The following CRABP1 variants were observed in gnomAD, a reference collection of about 807,000 sequenced individuals.
The protein encoded by CRABP1 is cellular retinoic acid-binding protein 1.
CRABP1 carries 9 observed loss-of-function variants against 16.4 expected under a neutral mutation model. The ratio of observed to expected loss-of-function variants is 0.55; its 90% CI spans 0.33 to 0.96. CRABP1 has a LOEUF of 0.96. Ranked by LOEUF, CRABP1 falls within the 40% of genes least tolerant of loss-of-function variation. CRABP1 has a pLI of 0.03. For synonymous variants in CRABP1, 72 were observed against 70.4 expected (o/e 1.02, Z -0.11); for missense variants, 157 against 186.0 (o/e 0.84, Z 0.91).
At position 78,343,571 on chromosome 15, in the gene CRABP1, A is replaced by G; in HGVS notation, c.322A>G (p.Thr108Ala). The change falls in exon 3 of 4, where the codon ACC (threonine) becomes GCC (alanine). Residue 108 changes from threonine (T) to alanine (A), a missense_variant. Thr to Ala is a moderately conservative substitution (Grantham distance 58). Transcript: ENST00000299529. ...TCTTCTTGAAGGGGACGGCCCCAAA[A>G]CCTACTGGACCCGTGAGCTGGCCAA... is the stretch of plus-strand genomic sequence containing the variant. ...QTLLEGDGPK[T>A]YWTRELANDE... 1 of 1,614,100 alleles carries G rather than the reference A, an allele frequency of 6.2e-7. No individual in the cohort carries two copies. Among genetic ancestry groups the G allele is most frequent in the Non-Finnish European group, 8.5e-7 (1 of 1,180,010 alleles).
chr15:78,342,338 T>G (rs1055740464), intron 2 of CRABP1, among the ~76,000 whole-genome samples: 1 of 151,782 alleles, frequency 6.6e-6, no homozygotes, highest in East Asian at 1.9e-4. Context: ...TCTGGGGACA[T>G]CCAATGTTGG....
intron 3 of CRABP1, among the ~76,000 whole-genome samples, chr15:78,346,987 G>GTTTTTTTTTTTTTTTTTTTTTTTTTTTT (rs202225866): frequency 7.0e-6 from 1 of 143,152 alleles, no homozygotes; most frequent in Non-Finnish European, 1.5e-5. Flanking sequence ...CTTGGTTTTT[G>GTTTTTTTTTTTTTTTTTTTTTTTTTTTT]TTTTTGTTTT....
chr15:78,343,573 C>T lies in CRABP1; in HGVS notation c.324C>T (p.Thr108=). The T allele has an allele frequency of 6.2e-7, 1 of 1,614,188 alleles. No homozygotes were observed. Among genetic ancestry groups the T allele is most frequent in the Non-Finnish European group, 8.5e-7 (1 of 1,180,030 alleles). ...QTLLEGDGPK[T]YWTRELANDE... ...TTCTTGAAGGGGACGGCCCCAAAAC[C>T]TACTGGACCCGTGAGCTGGCCAACG... The change falls in exon 3 of 4, where the codon ACC becomes ACT. Residue 108 remains threonine (T), a synonymous_variant. Transcript: ENST00000299529.
At chr15:78,344,563 C>A (rs2050254694) in intron 3 of CRABP1, among the ~76,000 whole-genome samples, 1 of 152,110 alleles carries the variant, frequency 6.6e-6, no homozygotes, top group Non-Finnish European at 1.5e-5. Flanking sequence ...TAAGCACACA[C>A]TTCCTCCCCT....
Position 78,343,452 on chromosome 15 carries a change from G to A in CRABP1, c.250-47G>A, listed in dbSNP as rs144235294. On this transcript the variant is annotated intron_variant, in intron 2 of 3. Coordinates refer to ENST00000299529, the MANE Select transcript of CRABP1 (RefSeq NM_004378.3). ...AATGCTCATTGTTGTCCCTGCTCCCGCTGCTGAGACTCTAATTAATGTCAC... is the reference window on the plus strand; with the variant it reads ...AATGCTCATTGTTGTCCCTGCTCCCACTGCTGAGACTCTAATTAATGTCAC... 6.4e-3 allele frequency: 9,301 copies of A among 1,444,490 alleles called. 55 individuals carry two copies. Among genetic ancestry groups the A allele is most frequent in the Non-Finnish European group, 7.4e-3 (7,574 of 1,028,108 alleles). The allele number at this position is 1,444,490 out of a possible 1,614,324, so 89.5% of individuals were successfully genotyped here. A position where few individuals can be genotyped will look rare whatever the true frequency, so the allele number is the denominator to read the frequency against.
intron 3 of CRABP1, among the ~76,000 whole-genome samples, 168 bp downstream of exon 3, chr15:78,343,780 C>A (rs915757764): frequency 1.3e-5 from 2 of 152,188 alleles, no homozygotes; most frequent in African/African-American, 4.8e-5. Context: ...CAGAGGAAAT[C>A]ATTGTTAAAT....
At position 78,348,011 on chromosome 15, in the gene CRABP1, A is replaced by G. The variant is rs754121651; in HGVS notation, c.*34A>G. 1.9e-6 allele frequency: 3 copies of G among 1,606,790 alleles called. No individual in the cohort carries two copies. Among genetic ancestry groups the G allele is most frequent in the Non-Finnish European group, 2.6e-6 (3 of 1,173,782 alleles). ...GGCTTGCTCCTACTTTCAGGAAGGG[A>G]TGCAGGCTCCCCTGAGGAATATGTC... On this transcript the variant is annotated 3_prime_UTR_variant, in exon 4 of 4. Coordinates refer to ENST00000299529, the MANE Select transcript of CRABP1 (RefSeq NM_004378.3).
At chr15:78,342,222 G>A (rs1428543754) in intron 2 of CRABP1, among the ~76,000 whole-genome samples, 1 of 152,038 alleles carries the variant, frequency 6.6e-6, no homozygotes. Flanking sequence ...GCTTGGAGGG[G>A]GTGGGATCTG....
Position 78,348,144 on chromosome 15 carries a change from T to C in CRABP1, c.*167T>C. On this transcript the variant is annotated 3_prime_UTR_variant, in exon 4 of 4. Coordinates refer to ENST00000299529, the MANE Select transcript of CRABP1 (RefSeq NM_004378.3). ...TCCCCCACCCCCACCCCCCAGGCCT[T>C]GGTGCCTCTTGTATCCCTAGTGCTC... The C allele has an allele frequency of 1.6e-6, 1 of 610,504 alleles. No individual in the cohort carries two copies. The allele number at this position is 610,504 out of a possible 1,614,324, so 37.8% of individuals were successfully genotyped here. A position where few individuals can be genotyped will look rare whatever the true frequency, so the allele number is the denominator to read the frequency against.
At chr15:78,342,918 C>T (rs149266872) in intron 2 of CRABP1, among the ~76,000 whole-genome samples, 1 of 152,116 alleles carries the variant, frequency 6.6e-6, no homozygotes, top group South Asian at 2.1e-4. Context: ...GTCAGGAGTT[C>T]GAGACCAGCC....
chr15:78,343,223 A>T (rs2050244777), intron 2 of CRABP1, among the ~76,000 whole-genome samples: 1 of 152,202 alleles, frequency 6.6e-6, no homozygotes, highest in Admixed American at 6.5e-5. Flanking sequence ...AGAGATGTAA[A>T]GCATGCCTAA....
Position 78,341,314 on chromosome 15 carries a change from C to A in CRABP1, c.249+93C>A. On this transcript the variant is annotated intron_variant, in intron 2 of 3. Transcript: ENST00000299529. This position sits in a 1 kb window ranked among gnomAD's most constrained non-coding sequence, Gnocchi z 5.3. ...AGGAACCTGTGTCTCCCTTTGCAGC[C>A]TGTGGCGCGCCTTCCTTGCAGGGTG... 1 of 1,427,040 alleles carries A rather than the reference C, an allele frequency of 7.0e-7. No individual in the cohort carries two copies. The highest frequency in any genetic ancestry group is 9.7e-7 in the Non-Finnish European group (1 of 1,033,098). The allele number at this position is 1,427,040 out of a possible 1,614,324, so 88.4% of individuals were successfully genotyped here.
rs145802455 is a variant in CRABP1, at chr15:78,344,903, T to C, written c.363+1291T>C. ...TGCACTCTAGCCTGGGCAACAGAGC[T>C]GAGACCCTGTCTCAAAATTAAAAAC... On this transcript the variant is annotated intron_variant, in intron 3 of 3. Transcript: ENST00000299529. Among the ~76,000 whole-genome samples the C allele has an allele frequency of 9.3e-3, 1,416 of 151,518 alleles. 20 individuals are homozygous for C. Among genetic ancestry groups the C allele is most frequent in the African/African-American group, 0.023 (933 of 41,162 alleles).
intron 3 of CRABP1, 118 bp from the exon 4 acceptor site, chr15:78,347,809 G>T (rs896387147): frequency 2.2e-6 from 2 of 921,678 alleles, no homozygotes; most frequent in Non-Finnish European, 3.5e-6. Context: ...ACAGGAAATT[G>T]AATGTCTGTT....
rs1434259788 is a variant in CRABP1 at position 78,341,346 on chromosome 15, C to G, written c.249+125C>G. ...GCGCCTTCCTTGCAGGGTGTGTACACTGGCTGTTTGCAGAGGGGGTTTGTG... is the reference window on the plus strand; with the variant it reads ...GCGCCTTCCTTGCAGGGTGTGTACAGTGGCTGTTTGCAGAGGGGGTTTGTG... On this transcript the variant is annotated intron_variant, in intron 2 of 3. Coordinates refer to ENST00000299529, the MANE Select transcript of CRABP1 (RefSeq NM_004378.3). The surrounding 1 kb of genome is among the most constrained non-coding windows in gnomAD (Gnocchi z 5.3). 3 of 1,113,544 alleles carry G rather than the reference C, an allele frequency of 2.7e-6. No individual in the cohort carries two copies. The highest frequency in any genetic ancestry group is 4.0e-6 in the Non-Finnish European group (3 of 751,672). 69.0% of individuals were successfully genotyped at this position (1,113,544 alleles called of 1,614,324 possible).
Position 78,341,360 on chromosome 15 carries a change from A to AT in CRABP1, c.249+139_249+140insT. On this transcript the variant is annotated intron_variant, in intron 2 of 3. Coordinates refer to ENST00000299529, the MANE Select transcript of CRABP1 (RefSeq NM_004378.3). The surrounding 1 kb of genome is among the most constrained non-coding windows in gnomAD (Gnocchi z 5.3). Reference sequence around the variant, plus strand: ...GGGTGTGTACACTGGCTGTTTGCAGAGGGGGTTTGTGCATCCTAGTTGCCC... The same window carrying AT: ...GGGTGTGTACACTGGCTGTTTGCAGATGGGGGTTTGTGCATCCTAGTTGCCC... 1 of 975,668 alleles carries AT rather than the reference A, an allele frequency of 1.0e-6. No homozygotes were observed. The highest frequency in any genetic ancestry group is 1.6e-6 in the Non-Finnish European group (1 of 629,216). The allele number at this position is 975,668 out of a possible 1,614,324, so 60.4% of individuals were successfully genotyped here.
chr15:78,342,377 A>C (rs938200482), intron 2 of CRABP1, among the ~76,000 whole-genome samples: 1 of 137,202 alleles, frequency 7.3e-6, no homozygotes, highest in Admixed American at 7.0e-5. Flanking sequence ...ATTCTGATTT[A>C]AAAAAAAAAA....
chr15:78,343,873 A>C (rs2050249816), intron 3 of CRABP1, among the ~76,000 whole-genome samples: 2 of 152,218 alleles, frequency 1.3e-5, no homozygotes, highest in Non-Finnish European at 2.9e-5. Context: ...CCACACTAAT[A>C]CATCCCAGTG....
At chr15:78,346,993 G>GTTTTTT (rs60882314) in intron 3 of CRABP1, among the ~76,000 whole-genome samples, 1 of 140,422 alleles carries the variant, frequency 7.1e-6, no homozygotes, top group African/African-American at 2.5e-5. Context: ...TTTTGTTTTT[G>GTTTTTT]TTTTTTTTTT....
Sources: allele counts gnomAD v4.1 joint callset (sites outside exome capture counted in the v4.1 genomes callset), GRCh38; gene constraint gnomAD v4.1.1; non-coding constraint Gnocchi (gnomAD v3.1); transcripts MANE v1.5; gene names NCBI Gene and HGNC (gene_info 2026-07-23, HGNC 2026-07-21).